The following TMEM132D variants were observed in gnomAD, a reference collection of about 807,000 sequenced individuals.
The protein encoded by TMEM132D is transmembrane protein 132D, also known as mature OL transmembrane protein.
Under a neutral mutation model 62.3 loss-of-function variants are expected in TMEM132D, and 21 were observed. The ratio of observed to expected loss-of-function variants is 0.34; its 90% CI spans 0.24 to 0.49. The LOEUF is 0.49. Ranked by LOEUF, TMEM132D falls within the 20% of genes least tolerant of loss-of-function variation. The pLI is 0.99. For synonymous variants in TMEM132D, 621 were observed against 575.6 expected, an observed-to-expected ratio of 1.08 and a Z score of -1.13; for missense variants, 1,346 against 1,402.8, an observed-to-expected ratio of 0.96 and a Z score of 0.65.
At chr12:129,180,210 G>GGGAGGAGGAGGAGGAGGA (rs61354153) in intron 5 of TMEM132D, among the ~76,000 whole-genome samples, 113 of 149,900 alleles carry the variant, frequency 7.5e-4, no homozygotes, top group South Asian at 3.6e-3. Context: ...ACAGATAGTG[G>GGGAGGAGGAGGAGGAGGA]GGAGGAGGAG....
At chr12:129,583,403 G>C (rs561583112) in intron 2 of TMEM132D, among the ~76,000 whole-genome samples, 1 of 152,160 alleles carries the variant, frequency 6.6e-6, no homozygotes, top group African/African-American at 2.4e-5. Flanking sequence ...AAAATGTTTC[G>C]TGTATTGATG....
rs377588382 is a variant in TMEM132D, at chr12:129,277,404, A to G, written c.1299+60230T>C. Among the ~76,000 whole-genome samples, 27 of 152,346 alleles carry G rather than the reference A, an allele frequency of 1.8e-4. No homozygotes were observed. The highest frequency in any genetic ancestry group is 1.2e-3 in the East Asian group (6 of 5,190). ...ACTCTTACTGCCACAAAGAATTTCAATATTAAATTTGTCGAGGAAAGAAAA... is the reference window on the plus strand; with the variant it reads ...ACTCTTACTGCCACAAAGAATTTCAGTATTAAATTTGTCGAGGAAAGAAAA... On this transcript the variant is annotated intron_variant, in intron 4 of 8. Coordinates refer to ENST00000422113, the MANE Select transcript of TMEM132D (RefSeq NM_133448.3). This position sits in a 1 kb window ranked among gnomAD's most constrained non-coding sequence, Gnocchi z 4.2.
At chr12:129,431,165 A>G (rs60711368) in intron 3 of TMEM132D, among the ~76,000 whole-genome samples, 5,423 of 152,272 alleles carry the variant, frequency 0.036, 349 homozygotes, top group African/African-American at 0.12. Context: ...TTTAGTTCTC[A>G]CAAGTAGCCC....
intron 3 of TMEM132D, among the ~76,000 whole-genome samples, chr12:129,518,982 G>A (rs1875765854): frequency 6.6e-6 from 1 of 152,112 alleles, no homozygotes; most frequent in African/African-American, 2.4e-5. Flanking sequence ...GCTTTCCATT[G>A]GTTACAATTC....
At chr12:129,334,984 A>C (rs1208767530) in intron 4 of TMEM132D, among the ~76,000 whole-genome samples, 2 of 152,138 alleles carry the variant, frequency 1.3e-5, no homozygotes, top group African/African-American at 4.8e-5. Flanking sequence ...AAAATATGGG[A>C]GCTGTGGATA....
chr12:129,140,531 T>C (rs1164652919), intron 5 of TMEM132D, among the ~76,000 whole-genome samples: 1 of 152,062 alleles, frequency 6.6e-6, no homozygotes, highest in African/African-American at 2.4e-5. Context: ...TTGACTTCTT[T>C]CACATTGCAT....
At chr12:129,299,080 T>A (rs1566025673) in intron 4 of TMEM132D, among the ~76,000 whole-genome samples, 1 of 152,194 alleles carries the variant, frequency 6.6e-6, no homozygotes, top group South Asian at 2.1e-4. Flanking sequence ...GGTCGATCTG[T>A]GACTCAGGTA....
intron 5 of TMEM132D, among the ~76,000 whole-genome samples, chr12:129,101,268 T>C (rs1355413725): frequency 1.3e-5 from 2 of 152,240 alleles, no homozygotes; most frequent in Non-Finnish European, 2.9e-5. Flanking sequence ...GCAGCTTCTT[T>C]GCCTCGAGCA....
chr12:129,899,304 CATGGATGGATGGATGGATGGATGG>C (rs61141755), intron 1 of TMEM132D, among the ~76,000 whole-genome samples: 1 of 125,204 alleles, frequency 8.0e-6, no homozygotes, highest in East Asian at 2.3e-4. Context: ...TGGATGCATG[CATGGATGGATGGATGGATGGATGG>C]ATGGATGGAT....
chr12:129,246,329 C>G (rs1256371269), intron 4 of TMEM132D, among the ~76,000 whole-genome samples: 1 of 152,200 alleles, frequency 6.6e-6, no homozygotes, highest in Non-Finnish European at 1.5e-5. Flanking sequence ...ATGACGCATG[C>G]TGGCCTAACA....
At chr12:129,289,892 T>G (rs1197212365) in intron 4 of TMEM132D, among the ~76,000 whole-genome samples, 1 of 151,892 alleles carries the variant, frequency 6.6e-6, no homozygotes, top group East Asian at 1.9e-4. Context: ...AAACTAAGAG[T>G]GTAAGAAATT....
At chr12:129,326,250 C>G (rs1868905754) in intron 4 of TMEM132D, among the ~76,000 whole-genome samples, 1 of 152,088 alleles carries the variant, frequency 6.6e-6, no homozygotes, top group South Asian at 2.1e-4. Context: ...TTAGGGAACC[C>G]TTCATTCAAG....
intron 3 of TMEM132D, among the ~76,000 whole-genome samples, chr12:129,460,073 G>A (rs1004774649): frequency 8.5e-5 from 13 of 152,074 alleles, no homozygotes; most frequent in African/African-American, 2.7e-4. Flanking sequence ...ACTCACTTTT[G>A]GCAGCAGACA....
chr12:129,553,955 A>G (rs1482953914), intron 2 of TMEM132D, among the ~76,000 whole-genome samples: 3 of 152,192 alleles, frequency 2.0e-5, no homozygotes, highest in Non-Finnish European at 4.4e-5. Flanking sequence ...AAACTCTCCA[A>G]GCTTTCTTTC....
intron 5 of TMEM132D, among the ~76,000 whole-genome samples, chr12:129,121,015 G>A (rs2135654341): frequency 1.3e-5 from 2 of 152,164 alleles, no homozygotes. Flanking sequence ...ATGCTAGGTA[G>A]GTTACATGGC....
At chr12:129,535,985 C>T (rs1475645367) in intron 2 of TMEM132D, among the ~76,000 whole-genome samples, 1 of 152,108 alleles carries the variant, frequency 6.6e-6, no homozygotes, top group Non-Finnish European at 1.5e-5. Flanking sequence ...ATTGGCTAAT[C>T]AGCTATCCGC....
intron 1 of TMEM132D, among the ~76,000 whole-genome samples, chr12:129,808,530 A>G (rs1378563802): frequency 1.3e-5 from 2 of 152,256 alleles, no homozygotes; most frequent in Non-Finnish European, 2.9e-5. Flanking sequence ...GATAAAGTGT[A>G]CAAGGAAGAT....
rs987786010 is a variant in TMEM132D, at chr12:129,456,939, A to G, written c.1115+74120T>C. ...CTGGGCAGTTTATAAGTCAGGAAAC[A>G]ACAGGTGCTGGAGAGGATGTGGAGA... On this transcript the variant is annotated intron_variant, in intron 3 of 8. Coordinates refer to ENST00000422113, the MANE Select transcript of TMEM132D (RefSeq NM_133448.3). Among the ~76,000 whole-genome samples the G allele has an allele frequency of 7.2e-5, 11 of 152,200 alleles. 1 individual carries two copies. The highest frequency in any genetic ancestry group is 4.6e-4 in the Admixed American group (7 of 15,276).
At chr12:129,647,258 T>G (rs80182318) in intron 2 of TMEM132D, among the ~76,000 whole-genome samples, 1 of 151,152 alleles carries the variant, frequency 6.6e-6, no homozygotes, top group Non-Finnish European at 1.5e-5. Flanking sequence ...TTTTTTTTTT[T>G]TGCAATTTGT....
Sources: allele counts gnomAD v4.1 joint callset (sites outside exome capture counted in the v4.1 genomes callset), GRCh38; gene constraint gnomAD v4.1.1; non-coding constraint Gnocchi (gnomAD v3.1); transcripts MANE v1.5; gene names NCBI Gene and HGNC (gene_info 2026-07-23, HGNC 2026-07-21).